Variants in HMGCLL1 observed in about 807,000 individuals in gnomAD.
The protein encoded by HMGCLL1 is 3-hydroxy-3-methylglutaryl-CoA lyase like 1, also known as 3-hydroxymethyl-3-methylglutaryl-CoA lyase, cytoplasmic.
A neutral mutation model predicts 39.1 loss-of-function variants in HMGCLL1; 36 were observed. The ratio of observed to expected loss-of-function variants is 0.92; its 90% confidence interval spans 0.71 to 1.22. The LOEUF is 1.22. Ranked by LOEUF, HMGCLL1 falls within the 50% of genes most tolerant of loss-of-function variation. The pLI, the probability that HMGCLL1 is intolerant of heterozygous loss-of-function variation, is 0.00. For synonymous variants in HMGCLL1, 149 were observed against 144.0 expected (o/e 1.03, Z -0.25); for missense variants, 451 against 416.5 (o/e 1.08, Z -0.72).
At chr6:55,585,503 T>C in the HMGCLL1 span, among the ~76,000 whole-genome samples, 1 of 152,136 alleles carries the variant, frequency 6.6e-6, no homozygotes, top group Non-Finnish European at 1.5e-5. Context: ...TGGGTTATAA[T>C]AAGATCTTAA....
the HMGCLL1 span, among the ~76,000 whole-genome samples, chr6:55,644,385 G>T: frequency 6.6e-6 from 1 of 151,954 alleles, no homozygotes; most frequent in East Asian, 1.9e-4. Context: ...TTGCTGTCCA[G>T]AAGCTTTTTA....
At chr6:55,444,949 T>G (rs1163866332) in intron 7 of HMGCLL1, among the ~76,000 whole-genome samples, 1 of 152,010 alleles carries the variant, frequency 6.6e-6, no homozygotes, top group African/African-American at 2.4e-5. Flanking sequence ...TCTTTCTGAT[T>G]TTCTAGTACC....
At chr6:55,515,262 A>G (rs1422548645) in intron 4 of HMGCLL1, among the ~76,000 whole-genome samples, 1 of 152,022 alleles carries the variant, frequency 6.6e-6, no homozygotes, top group Non-Finnish European at 1.5e-5. Context: ...AGAAAAAAAA[A>G]AAAAAATACA....
the HMGCLL1 span, among the ~76,000 whole-genome samples, chr6:55,663,673 G>A: frequency 3.3e-5 from 5 of 151,716 alleles, no homozygotes; most frequent in African/African-American, 7.3e-5. Context: ...GAGAGCTCTG[G>A]AGAGGTCTAT....
At chr6:55,597,908 T>C in the HMGCLL1 span, among the ~76,000 whole-genome samples, 1 of 152,108 alleles carries the variant, frequency 6.6e-6, no homozygotes, top group South Asian at 2.1e-4. Context: ...TAAGACAAAC[T>C]CATAAATGAA....
At chr6:55,589,756 T>C in the HMGCLL1 span, among the ~76,000 whole-genome samples, 25 of 152,044 alleles carry the variant, frequency 1.6e-4, no homozygotes, top group East Asian at 4.8e-3. Context: ...TATACACCAA[T>C]AGCAGACAAA....
chr6:55,597,511 A>T, the HMGCLL1 span, among the ~76,000 whole-genome samples: 1 of 151,710 alleles, frequency 6.6e-6, no homozygotes, highest in African/African-American at 2.4e-5. Context: ...ACATATTAAG[A>T]TGTTAAAAAA....
the HMGCLL1 span, among the ~76,000 whole-genome samples, chr6:55,633,079 T>C: frequency 6.6e-6 from 1 of 152,076 alleles, no homozygotes; most frequent in Non-Finnish European, 1.5e-5. Context: ...AAAATGACTG[T>C]AAATGTGAAT....
intron 7 of HMGCLL1, among the ~76,000 whole-genome samples, chr6:55,465,451 TTATCATTTATTTTCCTTATTTTAG>T (rs1764757288): frequency 6.6e-6 from 1 of 152,062 alleles, no homozygotes; most frequent in Non-Finnish European, 1.5e-5. Flanking sequence ...TAATTATTTT[TTATCATTTATTTTCCTTATTTTAG>T]TACATTGGCT....
At chr6:55,661,465 A>G in the HMGCLL1 span, among the ~76,000 whole-genome samples, 1 of 151,514 alleles carries the variant, frequency 6.6e-6, no homozygotes, top group Non-Finnish European at 1.5e-5. Flanking sequence ...CATTCATTGA[A>G]TGAGTTCTTT....
chr6:55,628,498 T>A, the HMGCLL1 span, among the ~76,000 whole-genome samples: 1 of 151,448 alleles, frequency 6.6e-6, no homozygotes, highest in African/African-American at 2.4e-5. Context: ...GAGATGGGGT[T>A]TTGCCATGTT....
At chr6:55,569,958 G>A (rs2127475433) in intron 1 of HMGCLL1, among the ~76,000 whole-genome samples, 1 of 152,170 alleles carries the variant, frequency 6.6e-6, no homozygotes, top group Non-Finnish European at 1.5e-5. Context: ...CAAATCAAAG[G>A]TGGCTTTAAA....
chr6:55,653,899 T>TA, the HMGCLL1 span, among the ~76,000 whole-genome samples: 15,007 of 151,936 alleles, frequency 0.099, 854 homozygotes, highest in East Asian at 0.17. Flanking sequence ...CCTGGGGACT[T>TA]AAAAACAGTT....
At chr6:55,675,720 C>T in the HMGCLL1 span, among the ~76,000 whole-genome samples, 1 of 152,120 alleles carries the variant, frequency 6.6e-6, no homozygotes, top group Admixed American at 6.6e-5. Context: ...TTCCTTCAAT[C>T]CATGTAACCT....
chr6:55,531,774 TC>T (rs1768691668), intron 3 of HMGCLL1, among the ~76,000 whole-genome samples: 1 of 152,154 alleles, frequency 6.6e-6, no homozygotes. Context: ...CATTAGATTT[TC>T]ATAGGAGTGC....
At chr6:55,539,506 C>A (rs748944947) in intron 3 of HMGCLL1, among the ~76,000 whole-genome samples, 3 of 151,950 alleles carry the variant, frequency 2.0e-5, no homozygotes, top group Non-Finnish European at 2.9e-5. Flanking sequence ...TACTATACAG[C>A]CATAAAAAGA....
At chr6:55,597,515 T>TA in the HMGCLL1 span, among the ~76,000 whole-genome samples, 277 of 143,226 alleles carry the variant, frequency 1.9e-3, 1 homozygote, top group South Asian at 4.2e-3. Flanking sequence ...ATTAAGATGT[T>TA]AAAAAAAAAA....
At chr6:55,478,603 C>G (rs144329086) in intron 7 of HMGCLL1, among the ~76,000 whole-genome samples, 1,837 of 151,386 alleles carry the variant, frequency 0.012, 30 homozygotes, top group Non-Finnish European at 0.021. Context: ...AACTATTTAG[C>G]AGAAACCTGA....
chr6:55,468,202 G>T (rs1485376882), intron 7 of HMGCLL1, among the ~76,000 whole-genome samples: 2 of 151,980 alleles, frequency 1.3e-5, no homozygotes, highest in Non-Finnish European at 2.9e-5. Context: ...TCTGTCTAAC[G>T]ATGTATATTG....
Sources: allele counts gnomAD v4.1 joint callset (sites outside exome capture counted in the v4.1 genomes callset), GRCh38; gene constraint gnomAD v4.1.1; transcripts MANE v1.5; gene names NCBI Gene and HGNC (gene_info 2026-07-23, HGNC 2026-07-21).